Variants in UNC5C observed in about 807,000 individuals in gnomAD.
UNC5C encodes netrin receptor UNC5C.
Under a neutral mutation model 99.8 loss-of-function variants are expected in UNC5C, and 47 were observed. The ratio of observed to expected loss-of-function variants is 0.47; its 90% CI spans 0.37 to 0.60. The LOEUF is 0.60. UNC5C is among the 20% of genes least tolerant of loss of function. The probability of loss-of-function intolerance (pLI) is 0.00; values close to 1 mark genes in which losing one functional copy is unlikely to be tolerated. For missense variants in UNC5C, 1,062 were observed against 1,165.9 expected, an observed-to-expected ratio of 0.91 and a Z score of 1.30; for synonymous variants, 487 against 452.2, an observed-to-expected ratio of 1.08 and a Z score of -0.98.
At chr4:95,346,573 G>C (rs1479731946) in intron 1 of UNC5C, among the ~76,000 whole-genome samples, 1 of 151,946 alleles carries the variant, frequency 6.6e-6, no homozygotes, top group Non-Finnish European at 1.5e-5. Flanking sequence ...ACATTAAAAA[G>C]ATAATTCATC....
At chr4:95,338,814 A>T (rs1316673555) in intron 1 of UNC5C, among the ~76,000 whole-genome samples, 1 of 152,080 alleles carries the variant, frequency 6.6e-6, no homozygotes, top group Non-Finnish European at 1.5e-5. Context: ...TTCATTTACA[A>T]TTATAAGATG....
intron 1 of UNC5C, among the ~76,000 whole-genome samples, chr4:95,393,004 C>T (rs1379710883): frequency 2.0e-5 from 3 of 152,082 alleles, no homozygotes; most frequent in African/African-American, 7.2e-5. Flanking sequence ...GATCAGCATG[C>T]ATGGTATTAG....
At chr4:95,400,190 C>T (rs1745646502) in intron 1 of UNC5C, among the ~76,000 whole-genome samples, 1 of 152,078 alleles carries the variant, frequency 6.6e-6, no homozygotes, top group African/African-American at 2.4e-5. Context: ...TTCTAACTAA[C>T]AGAATCTGGC....
chr4:95,283,027 T>C (rs1453932084), intron 3 of UNC5C, among the ~76,000 whole-genome samples: 1 of 152,110 alleles, frequency 6.6e-6, no homozygotes, highest in Non-Finnish European at 1.5e-5. Context: ...GCCTTCATTT[T>C]GGGGTATTGT....
At chr4:95,184,570 C>T (rs1455685423) in intron 13 of UNC5C, among the ~76,000 whole-genome samples, 1 of 152,136 alleles carries the variant, frequency 6.6e-6, no homozygotes, top group Non-Finnish European at 1.5e-5. Flanking sequence ...TTTCTTGTCT[C>T]TTGTTTAATA....
At chr4:95,170,877 A>C (rs10012846) in intron 14 of UNC5C, among the ~76,000 whole-genome samples, 2,955 of 152,316 alleles carry the variant, frequency 0.019, 101 homozygotes, top group African/African-American at 0.068. Context: ...GCTCTCCTCT[A>C]AATGATATCA....
At chr4:95,226,958 C>T (rs1738722898) in intron 7 of UNC5C, among the ~76,000 whole-genome samples, 1 of 152,010 alleles carries the variant, frequency 6.6e-6, no homozygotes, top group African/African-American at 2.4e-5. Flanking sequence ...AATCCACCTC[C>T]CTTGATAACA....
chr4:95,301,509 G>T, intron 3 of UNC5C, 97 bp downstream of exon 3: 1 of 1,540,970 alleles, frequency 6.5e-7, no homozygotes, highest in South Asian at 1.2e-5. Flanking sequence ...CAGGATTTTT[G>T]ACCAGTTTTC....
At chr4:95,540,643 T>G (rs1158875453) in intron 1 of UNC5C, among the ~76,000 whole-genome samples, 1 of 152,208 alleles carries the variant, frequency 6.6e-6, no homozygotes, top group Non-Finnish European at 1.5e-5. Context: ...ACTTGAGCAC[T>G]TCCACTGGGC....
chr4:95,190,223 A>T (rs1468308879), intron 12 of UNC5C, among the ~76,000 whole-genome samples: 1 of 152,138 alleles, frequency 6.6e-6, no homozygotes. Context: ...CATCATTCTC[A>T]GTAAACTATC....
intron 2 of UNC5C, among the ~76,000 whole-genome samples, chr4:95,332,972 G>T (rs1270818183): frequency 1.3e-5 from 2 of 152,140 alleles, no homozygotes; most frequent in Non-Finnish European, 2.9e-5. Context: ...ACGAAAAAAG[G>T]CTCACCATCA....
chr4:95,333,556 C>G (rs1486657090), intron 2 of UNC5C, among the ~76,000 whole-genome samples: 2 of 131,656 alleles, frequency 1.5e-5, no homozygotes, highest in Admixed American at 1.8e-4. Flanking sequence ...GAACATCACA[C>G]TCTGCGGACT....
intron 1 of UNC5C, among the ~76,000 whole-genome samples, chr4:95,493,607 A>T (rs1275635594): frequency 6.6e-6 from 1 of 151,368 alleles, no homozygotes; most frequent in Non-Finnish European, 1.5e-5. Context: ...TTTAAAAAAA[A>T]TTTCTTTCAA....
chr4:95,182,778 A>C (rs1417648403), intron 14 of UNC5C, 119 bp downstream of exon 14: 1 of 1,094,316 alleles, frequency 9.1e-7, no homozygotes, highest in Admixed American at 2.4e-5. Flanking sequence ...AATAGGATCT[A>C]TAGAAAGCTT....
intron 3 of UNC5C, among the ~76,000 whole-genome samples, chr4:95,293,324 A>C: frequency 4.7e-5 from 1 of 21,478 alleles, no homozygotes; most frequent in Non-Finnish European, 8.2e-5. Flanking sequence ...TTTTTTTTTG[A>C]GACAGGATCT....
rs369557069 is a variant in UNC5C at position 95,292,265 on chromosome 4, AT to A, written c.490+9340del. ...TATATATATATATATATATATATAT[AT>A]AAATTTTTTTTGTTTTTTTTTGAGA... On this transcript the variant is annotated intron_variant, in intron 3 of 15. Transcript: ENST00000453304. 9.1e-3 allele frequency among the ~76,000 whole-genome samples: 491 copies of A among 53,940 alleles called. 1 individual carries two copies. Among genetic ancestry groups the A allele is most frequent in the Middle Eastern group, 0.07 (6 of 86 alleles). 35.4% of individuals were successfully genotyped at this position (53,940 alleles called of 152,430 possible).
At chr4:95,326,698 T>C (rs1029512813) in intron 2 of UNC5C, among the ~76,000 whole-genome samples, 12 of 152,196 alleles carry the variant, frequency 7.9e-5, no homozygotes, top group African/African-American at 2.9e-4. Context: ...TCAATCAGTA[T>C]ATTTTGTTAT....
intron 12 of UNC5C, among the ~76,000 whole-genome samples, chr4:95,190,393 G>T (rs1473837118): frequency 6.6e-6 from 1 of 152,142 alleles, no homozygotes; most frequent in Non-Finnish European, 1.5e-5. Flanking sequence ...TAATGTAAAT[G>T]AGGAGTTAAT....
Position 95,185,090 on chromosome 4 carries a change from A to G in UNC5C, c.2243T>C (p.Ile748Thr). The change falls in exon 13 of 16, where the codon ATC becomes ACC. Residue 748 changes from isoleucine (I) to threonine (T), a missense_variant. Ile to Thr is a moderately conservative substitution (Grantham distance 89). Around this residue, in one of 3 missense-constraint regions of UNC5C, gnomAD observed 810 missense variants for 854.5 expected, o/e 0.95. Transcript: ENST00000453304. ...TTTGCTCTTCCAGAGGGAATGGGCG[A>G]TATCGTGAATTGACAGGCGCAGGTT... ...THNLRLSIHDIAHSLWKSKLL... is the reference protein window; with the variant it reads ...THNLRLSIHDTAHSLWKSKLL... 1 of 1,613,938 alleles carries G rather than the reference A, an allele frequency of 6.2e-7. No homozygotes were observed. Among genetic ancestry groups the G allele is most frequent in the Non-Finnish European group, 8.5e-7 (1 of 1,179,992 alleles).
Sources: gnomAD v4.1 joint callset for allele counts (sites outside exome capture counted in the v4.1 genomes callset) on GRCh38, gnomAD v4.1.1 for gene constraint, gnomAD v4.1.1 regional missense constraint, MANE v1.5 for transcripts, NCBI Gene and HGNC (gene_info 2026-07-23, HGNC 2026-07-21) for gene names.